The following KIN variants were observed in gnomAD, a reference collection of about 807,000 sequenced individuals.
KIN encodes the protein Kin17 DNA and RNA binding protein, also known as DNA/RNA-binding protein KIN17.
In KIN, 47 loss-of-function variants were observed where a neutral mutation model predicts 63.0. The observed-to-expected ratio is 0.75, with a 90% CI of 0.59 to 0.95. KIN has a LOEUF of 0.95. Ranked by LOEUF, KIN falls within the 40% of genes least tolerant of loss-of-function variation. KIN has a pLI of 0.00. For missense variants in KIN, 408 were observed against 460.9 expected (o/e 0.89, Z 1.05); for synonymous variants, 160 against 157.7 (o/e 1.01, Z -0.11).
rs1484793340 is a variant in KIN at position 7,752,276 on chromosome 10, A to C, written c.*3804T>G. 6.6e-6 allele frequency: 1 copy of C among 152,256 alleles called. No individual in the cohort carries two copies. Among genetic ancestry groups the C allele is most frequent in the Non-Finnish European group, 1.5e-5 (1 of 68,046 alleles). 9.4% of individuals were successfully genotyped at this position (152,256 alleles called of 1,614,324 possible). The stretch of plus-strand genomic sequence containing the variant: ...ATAATGGGCAAAAAACCTGAAAGAC[A>C]TCTCACCAGAGAAGATATACAGGTG... On this transcript the variant is annotated 3_prime_UTR_variant, in exon 13 of 13. Transcript: ENST00000379562.
intron 12 of KIN, among the ~76,000 whole-genome samples, chr10:7,758,577 T>A (rs1288136103): frequency 6.6e-6 from 1 of 151,700 alleles, no homozygotes; most frequent in Admixed American, 6.6e-5. Context: ...TCAACAGTAA[T>A]CAGTTGTTTT....
At position 7,753,687 on chromosome 10, in the gene KIN, G is replaced by GA. The variant is rs1310276026; in HGVS notation, c.*2392dup. 6.3e-6 allele frequency: 1 copy of GA among 159,312 alleles called. No homozygotes were observed. The highest frequency in any genetic ancestry group is 2.4e-5 in the African/African-American group (1 of 41,580). 9.9% of individuals were successfully genotyped at this position (159,312 alleles called of 1,614,324 possible). On this transcript the variant is annotated 3_prime_UTR_variant, in exon 13 of 13. Transcript: ENST00000379562. The stretch of plus-strand genomic sequence containing the variant: ...TCTAATATTACAAAGCCAATGAACA[G>GA]AACTGCCAGAATTTGATCTAAAGAC...
chr10:7,785,511 G>A (rs1374314409), intron 1 of KIN, among the ~76,000 whole-genome samples: 1 of 151,954 alleles, frequency 6.6e-6, no homozygotes, highest in East Asian at 1.9e-4. Context: ...AGAAAAAGAC[G>A]GCTGGGCGCA....
rs2130997258 is a variant in KIN, at chr10:7,765,859, T to G, written c.849+194A>C. Reference sequence around the variant, plus strand: ...AAAGAACATTATTAGTCTATAAGCATGAAGTAACTCTCCAATAGAGGTGCA... The same window carrying G: ...AAAGAACATTATTAGTCTATAAGCAGGAAGTAACTCTCCAATAGAGGTGCA... On this transcript the variant is annotated intron_variant, in intron 9 of 12. Coordinates refer to ENST00000379562, the MANE Select transcript of KIN (RefSeq NM_012311.4). 1.3e-5 allele frequency among the ~76,000 whole-genome samples: 2 copies of G among 152,338 alleles called. 1 individual carries two copies. Among genetic ancestry groups the G allele is most frequent in the South Asian group, 4.1e-4 (2 of 4,828 alleles).
intron 2 of KIN, among the ~76,000 whole-genome samples, chr10:7,782,252 A>G (rs10905231): frequency 0.47 from 70,822 of 151,884 alleles, 16,918 homozygotes; most frequent in African/African-American, 0.55. Flanking sequence ...GAAGCAAAGA[A>G]ATGTTTATTA....
In KIN at chr10:7,780,195, A is replaced by G; in HGVS notation, c.254-17T>C. Reference sequence around the variant, plus strand: ...TTTTAGTGCCTGAGAACAAAATATGACACTGATGATCATCAGAAGATTATG... The same window carrying G: ...TTTTAGTGCCTGAGAACAAAATATGGCACTGATGATCATCAGAAGATTATG... On this transcript the variant is annotated splice_polypyrimidine_tract_variant and intron_variant, in intron 3 of 12. Transcript: ENST00000379562. 1 of 1,612,400 alleles carries G rather than the reference A, an allele frequency of 6.2e-7. No homozygotes were observed. Among genetic ancestry groups the G allele is most frequent in the Non-Finnish European group, 8.5e-7 (1 of 1,179,064 alleles).
In KIN at chr10:7,783,170, G is replaced by A. The variant is rs1588488720; in HGVS notation, c.120C>T (p.Gly40=). Residue 40 remains glycine, a synonymous_variant, in exon 2 of 13, where the codon GGC becomes GGT. Coordinates refer to ENST00000379562, the MANE Select transcript of KIN (RefSeq NM_012311.4). Reference sequence around the variant, plus strand: ...ATTCGGACATACAATGACACTTAAAGCCATTCTACAAAAAATGTAAAAGCA... The same window carrying A: ...ATTCGGACATACAATGACACTTAAAACCATTCTACAAAAAATGTAAAAGCA... ...MCQKQCRDEN[G]FKCHCMSESH... is the part of the protein sequence containing the mutation. The A allele has an allele frequency of 2.5e-6, 4 of 1,570,160 alleles. No homozygotes were observed. The highest frequency in any genetic ancestry group is 3.5e-6 in the Non-Finnish European group (4 of 1,156,028).
rs377672375 is a variant in KIN at position 7,762,452 on chromosome 10, T to C, written c.1018+5A>G. ...ATGTATTAAATGGTCTGCAAACAGA[T>C]TTACCTGGTGCTGGAATTACTGTCT... On this transcript the variant is annotated splice_donor_5th_base_variant and intron_variant, in intron 11 of 12. Coordinates refer to ENST00000379562, the MANE Select transcript of KIN (RefSeq NM_012311.4). 6.4e-7 allele frequency: 1 copy of C among 1,572,996 alleles called. No homozygotes were observed. Among genetic ancestry groups the C allele is most frequent in the Non-Finnish European group, 8.7e-7 (1 of 1,146,934 alleles).
intron 5 of KIN, among the ~76,000 whole-genome samples, chr10:7,777,726 C>T (rs1451512294): frequency 7.9e-5 from 12 of 152,146 alleles, no homozygotes; most frequent in African/African-American, 2.7e-4. Context: ...GGTGAAACCC[C>T]GTCTCTACTA....
rs532666553 is a variant in KIN at position 7,780,312 on chromosome 10, T to G, written c.210-5A>C. 4 of 1,599,510 alleles carry G rather than the reference T, an allele frequency of 2.5e-6. No homozygotes were observed. Among genetic ancestry groups the G allele is most frequent in the African/African-American group, 2.7e-5 (2 of 73,748 alleles). Reference sequence around the variant, plus strand: ...AGAAAGTCATTTCGGAATTCCCTAATAAAGAAAGAAAGGAAAGCATTAAGG... The same window carrying G: ...AGAAAGTCATTTCGGAATTCCCTAAGAAAGAAAGAAAGGAAAGCATTAAGG... On this transcript the variant is annotated splice_region_variant and splice_polypyrimidine_tract_variant and intron_variant, in intron 2 of 12. Transcript: ENST00000379562.
chr10:7,779,044 A>T (rs17142985), intron 4 of KIN, 25 bp from the exon 5 acceptor site: 35,550 of 1,597,868 alleles, frequency 0.022, 459 homozygotes, highest in South Asian at 0.032. Flanking sequence ...CACTGCCATA[A>T]ATTAGCATAC....
chr10:7,773,816 T>C (rs911896399), intron 7 of KIN, among the ~76,000 whole-genome samples: 2 of 152,228 alleles, frequency 1.3e-5, no homozygotes, highest in Non-Finnish European at 2.9e-5. Flanking sequence ...TACTGGTACT[T>C]GACTCTCTTG....
rs188610294 is a variant in KIN at position 7,764,607 on chromosome 10, T to C, written c.850-816A>G. ...TAGGAAGGACTTTGGGGAGAGGGTATTTAATAGTAGAAAGATAGGTTTACG... is the reference window on the plus strand; with the variant it reads ...TAGGAAGGACTTTGGGGAGAGGGTACTTAATAGTAGAAAGATAGGTTTACG... On this transcript the variant is annotated intron_variant, in intron 9 of 12. Coordinates refer to ENST00000379562, the MANE Select transcript of KIN (RefSeq NM_012311.4). 2.5e-4 allele frequency among the ~76,000 whole-genome samples: 38 copies of C among 152,352 alleles called. No homozygotes were observed. The East Asian group carries it at 6.9e-3, about 28-fold the overall frequency.
At chr10:7,763,157 G>A (rs1169792364) in intron 10 of KIN, among the ~76,000 whole-genome samples, 1 of 152,130 alleles carries the variant, frequency 6.6e-6, no homozygotes, top group Non-Finnish European at 1.5e-5. Flanking sequence ...TCGGGAGGCT[G>A]AGGCAGGACA....
intron 6 of KIN, among the ~76,000 whole-genome samples, chr10:7,775,550 T>C (rs1314650323): frequency 2.0e-5 from 3 of 152,192 alleles, no homozygotes; most frequent in Non-Finnish European, 4.4e-5. Context: ...AAGTTAATTG[T>C]AGTCAGTTTT....
Position 7,772,749 on chromosome 10 carries a change from A to ATTT in KIN, c.668+2081_668+2082insAAA, listed in dbSNP as rs1435815608. Among the ~76,000 whole-genome samples the ATTT allele has an allele frequency of 1.3e-5, 2 of 152,128 alleles. 1 individual carries two copies. Among genetic ancestry groups the ATTT allele is most frequent in the African/African-American group, 4.8e-5 (2 of 41,344 alleles). On this transcript the variant is annotated intron_variant, in intron 7 of 12. Coordinates refer to ENST00000379562, the MANE Select transcript of KIN (RefSeq NM_012311.4). ...CTCGGGTCACAACATATTAACATAG[A>ATTT]TAACTTATCAAATAAATTATCAAAA...
intron 4 of KIN, 110 bp downstream of exon 4, chr10:7,779,946 A>G: frequency 9.0e-7 from 1 of 1,109,286 alleles, no homozygotes; most frequent in Non-Finnish European, 1.3e-6. Flanking sequence ...TAACACGATG[A>G]AAAAGCAAAA....
intron 12 of KIN, among the ~76,000 whole-genome samples, chr10:7,757,835 T>C (rs1835361262): frequency 6.6e-6 from 1 of 152,122 alleles, no homozygotes; most frequent in South Asian, 2.1e-4. Context: ...TTTGGGCTTA[T>C]AGGGCAAATA....
intron 9 of KIN, among the ~76,000 whole-genome samples, chr10:7,763,992 T>A (rs1225887288): frequency 6.6e-6 from 1 of 152,216 alleles, no homozygotes; most frequent in Non-Finnish European, 1.5e-5. Flanking sequence ...CCCTTTCTGT[T>A]CAACGTGGTT....
Sources: allele counts gnomAD v4.1 joint callset (sites outside exome capture counted in the v4.1 genomes callset), GRCh38; gene constraint gnomAD v4.1.1; transcripts MANE v1.5; gene names NCBI Gene and HGNC (gene_info 2026-07-23, HGNC 2026-07-21).